Variants in TSHZ3 observed in about 807,000 individuals in gnomAD.
TSHZ3 encodes teashirt homolog 3.
Under a neutral mutation model 64.5 loss-of-function variants are expected in TSHZ3, and 10 were observed. The observed-to-expected ratio is 0.16, with a 90% confidence interval of 0.10 to 0.26. The LOEUF is 0.26. Among genes scored for constraint, TSHZ3 ranks in the 10% least tolerant of loss-of-function variants. TSHZ3 has a pLI of 1.00. For synonymous variants in TSHZ3, 608 were observed against 593.1 expected, an observed-to-expected ratio of 1.03 and a Z score of -0.36; for missense variants, 1,242 against 1,421.7, an observed-to-expected ratio of 0.87 and a Z score of 2.03.
chr19:31,166,783 C>T (rs182785285), intron 5 of TSHZ3, among the ~76,000 whole-genome samples: 142 of 152,298 alleles, frequency 9.3e-4, no homozygotes, highest in South Asian at 5.0e-3. Flanking sequence ...TATGCCCCTA[C>T]GGCATGCAAA....
intron 5 of TSHZ3, among the ~76,000 whole-genome samples, chr19:31,165,688 G>A (rs769826930): frequency 1.3e-5 from 2 of 152,102 alleles, no homozygotes; most frequent in Non-Finnish European, 2.9e-5. Flanking sequence ...CTCTGTGGGT[G>A]GGTATTTGTG....
intron 1 of TSHZ3, among the ~76,000 whole-genome samples, chr19:31,343,879 G>A (rs1011707749): frequency 1.5e-4 from 22 of 151,436 alleles, no homozygotes; most frequent in Admixed American, 7.9e-4. Context: ...TGCAAATACT[G>A]GAAACTGGAA....
intron 3 of TSHZ3, among the ~76,000 whole-genome samples, chr19:31,236,844 T>C (rs1975623010): frequency 6.6e-6 from 1 of 152,134 alleles, no homozygotes; most frequent in Non-Finnish European, 1.5e-5. Flanking sequence ...AAAGCTTTTG[T>C]ACAGCAAAAG....
At chr19:31,161,302 C>G (rs1599553603) in intron 5 of TSHZ3, among the ~76,000 whole-genome samples, 1 of 152,128 alleles carries the variant, frequency 6.6e-6, no homozygotes, top group African/African-American at 2.4e-5. Flanking sequence ...AAGGAGCACA[C>G]ACAACTAGAA....
At chr19:31,256,507 G>A (rs1975913224) in intron 1 of TSHZ3, among the ~76,000 whole-genome samples, 1 of 152,142 alleles carries the variant, frequency 6.6e-6, no homozygotes. Context: ...CTGTGCCTGG[G>A]GGTATTCCCC....
chr19:31,277,912 C>A lies in TSHZ3; in HGVS notation c.1881G>T (p.Lys627Asn). The A allele has an allele frequency of 6.2e-7, 1 of 1,614,144 alleles. No homozygotes were observed. Among genetic ancestry groups the A allele is most frequent in the Non-Finnish European group, 8.5e-7 (1 of 1,179,994 alleles). The part of the protein sequence containing the change: ...VTEKVAKVEE[K>N]MKEPDGKLSP... ...AAAGCTTCCCATCCGGCTCCTTCAT[C>A]TTCTCCTCCACTTTGGCAACTTTCT... is the stretch of plus-strand genomic sequence containing the variant. Residue 627 changes from lysine to asparagine, a missense_variant, in exon 2 of 2, where the codon AAG (lysine) becomes AAT (asparagine). Transcript: ENST00000240587. This position sits in a 1 kb window ranked among gnomAD's most constrained non-coding sequence, Gnocchi z 4.5.
Position 31,278,558 on chromosome 19 carries a change from A to G in TSHZ3, c.1235T>C (p.Ile412Thr). 6.2e-7 allele frequency: 1 copy of G among 1,614,100 alleles called. No homozygotes were observed. Among genetic ancestry groups the G allele is most frequent in the Non-Finnish European group, 8.5e-7 (1 of 1,180,014 alleles). ...TAHMMVTGHFIKVTNSAMKKG... is the reference protein window; with the variant it reads ...TAHMMVTGHFTKVTNSAMKKG... Reference sequence around the variant, plus strand: ...TTTCATAGCAGAGTTGGTGACCTTGATGAAGTGGCCAGTGACCATCATGTG... The same window carrying G: ...TTTCATAGCAGAGTTGGTGACCTTGGTGAAGTGGCCAGTGACCATCATGTG... Residue 412 changes from isoleucine to threonine, a missense_variant, in exon 2 of 2, where the codon ATC becomes ACC. By Grantham distance (89) the Ile-to-Thr change is moderately conservative. Coordinates refer to ENST00000240587, the MANE Select transcript of TSHZ3 (RefSeq NM_020856.4). The surrounding 1 kb of genome is among the most constrained non-coding windows in gnomAD (Gnocchi z 4.7).
chr19:31,350,680 CTGGGCGGCG>C (rs891366360), upstream of TSHZ3, among the ~76,000 whole-genome samples: 5 of 151,628 alleles, frequency 3.3e-5, no homozygotes, highest in African/African-American at 7.2e-5. Flanking sequence ...AAGGAGCTGG[CTGGGCGGCG>C]TGGGCGGCGG....
chr19:31,213,356 C>CAAAAAAAA lies in TSHZ3; in HGVS notation n.687-8286_687-8279dup, dbSNP rs35192337. 4.8e-3 allele frequency among the ~76,000 whole-genome samples: 112 copies of CAAAAAAAA among 23,306 alleles called. 38 individuals are homozygous for CAAAAAAAA. The highest frequency in any genetic ancestry group is 0.014 in the Admixed American group (12 of 880). 15.3% of individuals were successfully genotyped at this position (23,306 alleles called of 152,430 possible). A position where few individuals can be genotyped will look rare whatever the true frequency, so the allele number is the denominator to read the frequency against. On this transcript the variant is annotated intron_variant and non_coding_transcript_variant, in intron 4 of 6. Coordinates refer to the TSHZ3 transcript ENST00000651361. The stretch of plus-strand genomic sequence containing the variant: ...TGAGCAACAGAGCGAGACTCTGTCT[C>CAAAAAAAA]AAAAAAAAAAAAAAAAAAAAAAAAA...
intron 1 of TSHZ3, among the ~76,000 whole-genome samples, chr19:31,296,678 T>C (rs1976667960): frequency 6.6e-6 from 1 of 152,200 alleles, no homozygotes; most frequent in Non-Finnish European, 1.5e-5. Flanking sequence ...TTTTTATTTG[T>C]AGCATGCACC....
At chr19:31,229,857 G>A (rs967411115) in intron 3 of TSHZ3, among the ~76,000 whole-genome samples, 1 of 152,150 alleles carries the variant, frequency 6.6e-6, no homozygotes, top group Admixed American at 6.5e-5. Context: ...TGAAACAATA[G>A]TGAAACACGA....
chr19:31,194,036 A>G (rs1480876683), intron 5 of TSHZ3, among the ~76,000 whole-genome samples: 2 of 151,992 alleles, frequency 1.3e-5, no homozygotes, highest in African/African-American at 2.4e-5. Context: ...ACCGACCCCA[A>G]AATTAGAGAC....
chr19:31,308,569 G>C, intron 1 of TSHZ3: 2 of 397,942 alleles, frequency 5.0e-6, no homozygotes, highest in East Asian at 7.1e-5. Context: ...TTTTGGAAAT[G>C]GAGGTTTCGG....
chr19:31,202,838 T>A (rs1450033769), intron 5 of TSHZ3, among the ~76,000 whole-genome samples: 2 of 152,194 alleles, frequency 1.3e-5, no homozygotes, highest in Non-Finnish European at 2.9e-5. Flanking sequence ...TGTTGGAGAT[T>A]GACATTCAGT....
chr19:31,159,604 A>G (rs1317763029), intron 5 of TSHZ3, among the ~76,000 whole-genome samples: 3 of 152,248 alleles, frequency 2.0e-5, no homozygotes, highest in Non-Finnish European at 4.4e-5. Context: ...CACTGCTTCA[A>G]GATGTGAATG....
intron 4 of TSHZ3, among the ~76,000 whole-genome samples, chr19:31,223,838 C>T (rs952321847): frequency 2.0e-5 from 3 of 151,782 alleles, no homozygotes; most frequent in African/African-American, 7.3e-5. Flanking sequence ...ACTGTCCTAG[C>T]TGGAGCGGGG....
chr19:31,282,915 G>C (rs531447168), intron 1 of TSHZ3, among the ~76,000 whole-genome samples: 2 of 152,302 alleles, frequency 1.3e-5, no homozygotes, highest in East Asian at 3.9e-4. Context: ...GCACACCCTC[G>C]TGGCTGTGAC....
At chr19:31,332,500 A>G (rs1410003170) in intron 1 of TSHZ3, among the ~76,000 whole-genome samples, 1 of 152,102 alleles carries the variant, frequency 6.6e-6, no homozygotes, top group African/African-American at 2.4e-5. Context: ...CCCTCATCAG[A>G]TGTGATTGGG....
At chr19:31,215,200 G>A (rs914787424) in intron 4 of TSHZ3, among the ~76,000 whole-genome samples, 2 of 152,180 alleles carry the variant, frequency 1.3e-5, no homozygotes, top group East Asian at 3.9e-4. Flanking sequence ...TTTAATATGA[G>A]TCAGGTCTTT....
Sources: allele counts gnomAD v4.1 joint callset (sites outside exome capture counted in the v4.1 genomes callset), GRCh38; gene constraint gnomAD v4.1.1; non-coding constraint Gnocchi (gnomAD v3.1); transcripts MANE v1.5; gene names NCBI Gene and HGNC (gene_info 2026-07-23, HGNC 2026-07-21).